Variants in PDSS2 observed in about 807,000 individuals in gnomAD.
PDSS2 encodes all trans-polyprenyl-diphosphate synthase PDSS2.
PDSS2 carries 31 observed loss-of-function variants against 44.5 expected under a neutral mutation model. The ratio of observed to expected loss-of-function variants is 0.70; its 90% CI spans 0.52 to 0.94. The LOEUF (loss-of-function observed/expected upper bound fraction) is 0.94, where lower values mean the gene tolerates loss of function less well. PDSS2 is among the 40% of genes least tolerant of loss of function. The pLI, the probability that PDSS2 is intolerant of heterozygous loss-of-function variation, is 0.00. For synonymous variants in PDSS2, 157 were observed against 180.3 expected (o/e 0.87, Z 1.03); for missense variants, 452 against 482.2 (o/e 0.94, Z 0.59).
chr6:107,198,216 C>CACT (rs1424359885), intron 6 of PDSS2, among the ~76,000 whole-genome samples: 2 of 152,160 alleles, frequency 1.3e-5, no homozygotes, highest in Non-Finnish European at 2.9e-5. Context: ...TTAGCTTGGC[C>CACT]ACTACCCTGT....
chr6:107,427,380 A>C (rs537849105), intron 1 of PDSS2, among the ~76,000 whole-genome samples: 2 of 151,914 alleles, frequency 1.3e-5, no homozygotes, highest in African/African-American at 4.8e-5. Flanking sequence ...TTTTCTTCCC[A>C]GTCTCGGGTA....
At chr6:107,398,533 A>G (rs946601368) in intron 1 of PDSS2, among the ~76,000 whole-genome samples, 1 of 152,194 alleles carries the variant, frequency 6.6e-6, no homozygotes, top group African/African-American at 2.4e-5. Flanking sequence ...TATTTTTAAG[A>G]TTGGAATGGG....
chr6:107,354,354 A>C (rs1047991943), intron 1 of PDSS2, among the ~76,000 whole-genome samples: 5 of 152,266 alleles, frequency 3.3e-5, no homozygotes, highest in Non-Finnish European at 5.9e-5. Context: ...ATGAGAAATT[A>C]TGAAACAGGA....
chr6:107,216,924 A>G (rs1400891123), intron 4 of PDSS2, among the ~76,000 whole-genome samples: 1 of 152,190 alleles, frequency 6.6e-6, no homozygotes, highest in Non-Finnish European at 1.5e-5. Context: ...AAAGTCCAGA[A>G]AGCAACCAAA....
intron 3 of PDSS2, among the ~76,000 whole-genome samples, chr6:107,253,669 T>C (rs1019975689): frequency 5.9e-5 from 9 of 151,764 alleles, no homozygotes; most frequent in African/African-American, 1.7e-4. Context: ...TAATTCACAA[T>C]TGTGAGATAC....
intron 4 of PDSS2, among the ~76,000 whole-genome samples, chr6:107,227,067 C>T (rs1190399913): frequency 1.3e-5 from 2 of 151,686 alleles, no homozygotes; most frequent in Admixed American, 1.3e-4. Flanking sequence ...GCAATCTCCG[C>T]CTCCTGGGTT....
intron 1 of PDSS2, among the ~76,000 whole-genome samples, chr6:107,365,738 G>A (rs1263011932): frequency 6.6e-6 from 1 of 152,138 alleles, no homozygotes; most frequent in African/African-American, 2.4e-5. Flanking sequence ...ATTAATGTCA[G>A]ACTAAATAGA....
Position 107,256,786 on chromosome 6 carries a change from G to A in PDSS2, c.631-11167C>T, listed in dbSNP as rs1026357183. Among the ~76,000 whole-genome samples, 107 of 151,998 alleles carry A rather than the reference G, an allele frequency of 7.0e-4. 3 individuals carry two copies. Among genetic ancestry groups the A allele is most frequent in the African/African-American group, 2.5e-3 (105 of 41,436 alleles). On this transcript the variant is annotated intron_variant, in intron 3 of 7. Transcript: ENST00000369037. ...ACTCATGCCTGTAATTCCAGCACTT[G>A]GGAGGCTGAGGTAGGAGAAGCCTCT... is the stretch of plus-strand genomic sequence containing the variant.
At chr6:107,424,217 A>G (rs1033129884) in intron 1 of PDSS2, among the ~76,000 whole-genome samples, 2 of 151,278 alleles carry the variant, frequency 1.3e-5, no homozygotes, top group Non-Finnish European at 2.9e-5. Context: ...AATTTCTTTA[A>G]TTTTTTATTT....
At chr6:107,413,776 C>G (rs1459869860) in intron 1 of PDSS2, among the ~76,000 whole-genome samples, 1 of 152,156 alleles carries the variant, frequency 6.6e-6, no homozygotes, top group African/African-American at 2.4e-5. Flanking sequence ...AAACAAAGAA[C>G]ATGGTACTTT....
intron 2 of PDSS2, among the ~76,000 whole-genome samples, chr6:107,303,456 T>C (rs11758272): frequency 0.16 from 24,193 of 152,224 alleles, 2,507 homozygotes; most frequent in East Asian, 0.32. Flanking sequence ...TAGCTTAGCA[T>C]ATTTTCTTTC....
intron 2 of PDSS2, among the ~76,000 whole-genome samples, chr6:107,294,122 T>C (rs1290486937): frequency 1.3e-5 from 2 of 152,104 alleles, no homozygotes; most frequent in African/African-American, 4.8e-5. Flanking sequence ...GAGGCAGTGA[T>C]GGACCAAAGA....
chr6:107,307,426 C>CTACGCATTCAAATCAGAG (rs1207846541), intron 2 of PDSS2, among the ~76,000 whole-genome samples: 28 of 152,136 alleles, frequency 1.8e-4, no homozygotes, highest in Non-Finnish European at 3.5e-4. Context: ...TTGATTGAAA[C>CTACGCATTCAAATCAGAG]TACGCATTCA....
chr6:107,208,230 C>T (rs1463787343), intron 6 of PDSS2, among the ~76,000 whole-genome samples: 1 of 148,534 alleles, frequency 6.7e-6, no homozygotes, highest in Non-Finnish European at 1.5e-5. Flanking sequence ...TGGTGATCCA[C>T]CTGCCTCGGC....
chr6:107,256,839 G>T (rs1393883150), intron 3 of PDSS2, among the ~76,000 whole-genome samples: 1 of 151,792 alleles, frequency 6.6e-6, no homozygotes, highest in Non-Finnish European at 1.5e-5. Context: ...ACCAGCCTGG[G>T]CAACATAGGG....
intron 1 of PDSS2, among the ~76,000 whole-genome samples, chr6:107,374,931 G>T (rs1168064236): frequency 6.6e-6 from 1 of 151,798 alleles, no homozygotes; most frequent in Non-Finnish European, 1.5e-5. Context: ...TTTAATTAAA[G>T]ATCAGTAATA....
At chr6:107,306,393 T>C (rs1582919384) in intron 2 of PDSS2, among the ~76,000 whole-genome samples, 1 of 152,224 alleles carries the variant, frequency 6.6e-6, no homozygotes, top group Admixed American at 6.5e-5. Context: ...CAATGTAAGA[T>C]GTGACTTGCT....
At chr6:107,180,721 T>C (rs1318228098) in intron 7 of PDSS2, among the ~76,000 whole-genome samples, 2 of 152,214 alleles carry the variant, frequency 1.3e-5, no homozygotes, top group South Asian at 4.1e-4. Flanking sequence ...TATGTAGATA[T>C]GTAATTTTTA....
At chr6:107,238,808 T>C (rs1774318082) in intron 4 of PDSS2, among the ~76,000 whole-genome samples, 1 of 152,170 alleles carries the variant, frequency 6.6e-6, no homozygotes, top group South Asian at 2.1e-4. Flanking sequence ...GGATCAACCT[T>C]ATAAGCAGGT....
Sources: gnomAD v4.1 joint callset for allele counts (sites outside exome capture counted in the v4.1 genomes callset) on GRCh38, gnomAD v4.1.1 for gene constraint, MANE v1.5 for transcripts, NCBI Gene and HGNC (gene_info 2026-07-23, HGNC 2026-07-21) for gene names.